USP37: variants seen among roughly 807,000 people sequenced by gnomAD.
USP37 encodes the protein ubiquitin carboxyl-terminal hydrolase 37.
Under a neutral mutation model 124.0 loss-of-function variants are expected in USP37, and 27 were observed. That is an observed-to-expected ratio of 0.22 (90% confidence interval 0.16 to 0.30). USP37 has a LOEUF of 0.30. Ranked by LOEUF, USP37 falls within the 10% of genes least tolerant of loss-of-function variation. The pLI, the probability that USP37 is intolerant of heterozygous loss-of-function variation, is 1.00. For missense variants in USP37, 889 were observed against 1,140.4 expected (o/e 0.78, Z 3.17); for synonymous variants, 365 against 388.0 (o/e 0.94, Z 0.70).
intron 6 of USP37, among the ~76,000 whole-genome samples, chr2:218,548,707 GT>G (rs1692509833): frequency 7.2e-6 from 1 of 138,030 alleles, no homozygotes; most frequent in African/African-American, 2.7e-5. Flanking sequence ...CAAAATAAAA[GT>G]TTGAAAAATC....
chr2:218,469,677 G>C (rs534063853), intron 20 of USP37, among the ~76,000 whole-genome samples: 3 of 152,012 alleles, frequency 2.0e-5, no homozygotes, highest in Admixed American at 6.6e-5. Flanking sequence ...ATATACATTT[G>C]TCTTCAGGAT....
chr2:218,504,960 C>T (rs1008028304), intron 11 of USP37, among the ~76,000 whole-genome samples: 3 of 152,104 alleles, frequency 2.0e-5, no homozygotes, highest in Non-Finnish European at 4.4e-5. Context: ...ATTCTACTTT[C>T]TTCCTTCTCT....
At chr2:218,535,882 T>C (rs1322924356) in intron 8 of USP37, among the ~76,000 whole-genome samples, 1 of 149,188 alleles carries the variant, frequency 6.7e-6, no homozygotes, top group Non-Finnish European at 1.5e-5. Context: ...CCAGGCGTGG[T>C]GGCAGGCGTC....
intron 4 of USP37, among the ~76,000 whole-genome samples, chr2:218,555,168 C>T (rs1001187115): frequency 6.6e-6 from 1 of 152,172 alleles, no homozygotes; most frequent in Non-Finnish European, 1.5e-5. Flanking sequence ...ATAATTCCTG[C>T]CAGTCAGGCA....
intron 8 of USP37, among the ~76,000 whole-genome samples, chr2:218,535,842 G>A (rs1427604709): frequency 3.8e-5 from 5 of 131,760 alleles, no homozygotes; most frequent in South Asian, 2.7e-4. Flanking sequence ...GTGACAGAGC[G>A]AGACTCTGTC....
chr2:218,456,309 GGT>G (rs1238694521), intron 24 of USP37, among the ~76,000 whole-genome samples: 1 of 151,916 alleles, frequency 6.6e-6, no homozygotes, highest in African/African-American at 2.4e-5. Flanking sequence ...AAATTAGTCA[GGT>G]GTGGTGGCAT....
chr2:218,468,358 T>C (rs1442584315), intron 20 of USP37, among the ~76,000 whole-genome samples: 1 of 150,906 alleles, frequency 6.6e-6, no homozygotes, highest in Non-Finnish European at 1.5e-5. Context: ...TGCCTCAGCC[T>C]CCCAAGTAGC....
chr2:218,522,312 C>T (rs1690699125), intron 10 of USP37, among the ~76,000 whole-genome samples: 2 of 151,844 alleles, frequency 1.3e-5, no homozygotes, highest in Admixed American at 6.6e-5. Flanking sequence ...CCTGTAAGCC[C>T]AGCACTCTGG....
chr2:218,562,022 C>T (rs934074593), intron 2 of USP37, among the ~76,000 whole-genome samples: 1 of 152,190 alleles, frequency 6.6e-6, no homozygotes, highest in African/African-American at 2.4e-5. Context: ...TCAATTTACA[C>T]ATTACCCTCT....
At chr2:218,502,317 A>C (rs1355626686) in intron 11 of USP37, among the ~76,000 whole-genome samples, 4 of 152,182 alleles carry the variant, frequency 2.6e-5, no homozygotes, top group African/African-American at 9.7e-5. Context: ...TGAAAATCAC[A>C]ATATTTAAAA....
chr2:218,489,222 G>A (rs1303378548), intron 14 of USP37, among the ~76,000 whole-genome samples: 2 of 151,064 alleles, frequency 1.3e-5, no homozygotes, highest in African/African-American at 4.9e-5. Flanking sequence ...GCCAGGCGAG[G>A]TGGCGCGTGC....
chr2:218,454,889 ACAAATATGCAGTGCATGCTGC>A lies in USP37; in HGVS notation c.*20_*40del, dbSNP rs755225957. The A allele has an allele frequency of 1.3e-6, 2 of 1,599,644 alleles. No individual in the cohort carries two copies. The highest frequency in any genetic ancestry group is 1.7e-6 in the Non-Finnish European group (2 of 1,174,402). On this transcript the variant is annotated 3_prime_UTR_variant, in exon 26 of 26. Coordinates refer to ENST00000258399, the MANE Select transcript of USP37 (RefSeq NM_020935.3). ...AGGAAAGGTGAGGTGGGCAGCAGTA[ACAAATATGCAGTGCATGCTGC>A]CAACCCAGGAGTTTGTTCCTCACAA...
intron 10 of USP37, among the ~76,000 whole-genome samples, chr2:218,519,935 T>C (rs1415593264): frequency 6.6e-6 from 1 of 151,988 alleles, no homozygotes; most frequent in Non-Finnish European, 1.5e-5. Flanking sequence ...TGAAAATTCC[T>C]GCATTATTTT....
At chr2:218,544,620 G>C (rs984071087) in intron 8 of USP37, among the ~76,000 whole-genome samples, 12 of 152,002 alleles carry the variant, frequency 7.9e-5, no homozygotes, top group African/African-American at 2.9e-4. Context: ...AAATCTGCCA[G>C]AGGGCAAAGC....
In USP37 at chr2:218,450,326, G is replaced by C. The variant is rs2106399624; in HGVS notation, c.*4604C>G. 6.6e-6 allele frequency: 1 copy of C among 152,486 alleles called. No homozygotes were observed. The highest frequency in any genetic ancestry group is 2.1e-4 in the South Asian group (1 of 4,824). The allele number at this position is 152,486 out of a possible 1,614,324, so 9.4% of individuals were successfully genotyped here. ...AATTTAAAAAGGAAACAAAAACAAAGAAAAACCGTAAAGGATACAGAGGAA... is the reference window on the plus strand; with the variant it reads ...AATTTAAAAAGGAAACAAAAACAAACAAAAACCGTAAAGGATACAGAGGAA... On this transcript the variant is annotated 3_prime_UTR_variant, in exon 26 of 26. Coordinates refer to ENST00000258399, the MANE Select transcript of USP37 (RefSeq NM_020935.3).
intron 8 of USP37, among the ~76,000 whole-genome samples, chr2:218,545,810 T>C (rs1022794704): frequency 1.3e-5 from 2 of 152,288 alleles, no homozygotes; most frequent in African/African-American, 4.8e-5. Flanking sequence ...CTAGAACACA[T>C]AGGCTCACAT....
At chr2:218,524,388 C>CTCAG (rs1219802459) in intron 10 of USP37, among the ~76,000 whole-genome samples, 39 of 152,274 alleles carry the variant, frequency 2.6e-4, no homozygotes, top group African/African-American at 8.4e-4. Context: ...GTGTGAACCA[C>CTCAG]TGCTCCACTC....
At chr2:218,525,813 A>G (rs1369448409) in intron 10 of USP37, among the ~76,000 whole-genome samples, 1 of 152,080 alleles carries the variant, frequency 6.6e-6, no homozygotes, top group Non-Finnish European at 1.5e-5. Flanking sequence ...CCTAGTACTC[A>G]TTAGTTATTT....
Position 218,466,124 on chromosome 2 carries a change from G to A in USP37, c.2352C>T (p.Asn784=), listed in dbSNP as rs117996990. 1.0e-3 allele frequency: 1,646 copies of A among 1,613,562 alleles called. 31 individuals carry two copies. In the East Asian group the frequency reaches 0.032, roughly 31 times the overall value. Reference sequence around the variant, plus strand: ...CTCCCTGAGATCCTTCTGGAGTTTTGTTTTCTTTATTCTCATCACAGTCTT... The same window carrying A: ...CTCCCTGAGATCCTTCTGGAGTTTTATTTTCTTTATTCTCATCACAGTCTT... ...ITKDCDENKE[N]KTPEGSQGEV... Residue 784 remains asparagine (N), a synonymous_variant, in exon 21 of 26, where the codon AAC becomes AAT. Transcript: ENST00000258399.
Sources: allele counts gnomAD v4.1 joint callset (sites outside exome capture counted in the v4.1 genomes callset), GRCh38; gene constraint gnomAD v4.1.1; transcripts MANE v1.5; gene names NCBI Gene and HGNC (gene_info 2026-07-23, HGNC 2026-07-21).